The following MPP2 variants were observed in gnomAD, a reference collection of about 807,000 sequenced individuals.
MPP2 encodes the protein MAGUK p55 scaffold protein 2.
Under a neutral mutation model 58.5 loss-of-function variants are expected in MPP2, and 42 were observed. The ratio of observed to expected loss-of-function variants is 0.72; its 90% CI spans 0.56 to 0.93. The LOEUF is 0.93. Among genes scored for constraint, MPP2 ranks in the 40% least tolerant of loss-of-function variants. MPP2 has a pLI of 0.00. For synonymous variants in MPP2, 300 were observed against 307.8 expected, an observed-to-expected ratio of 0.97 and a Z score of 0.26; for missense variants, 632 against 760.4, an observed-to-expected ratio of 0.83 and a Z score of 1.99.
chr17:43,904,493 C>T lies in MPP2; in HGVS notation c.-33G>A. 2 of 1,613,732 alleles carry T rather than the reference C, an allele frequency of 1.2e-6. No individual in the cohort carries two copies. Among genetic ancestry groups the T allele is most frequent in the Non-Finnish European group, 1.7e-6 (2 of 1,179,738 alleles). On this transcript the variant is annotated splice_region_variant and 5_prime_UTR_variant, in exon 2 of 13. Transcript: ENST00000269095. ...GAGGCAAGGGCTCTGAAACGTCTCT[C>T]CTGGAGAGGGGAGAGAGGAGGATGA...
Position 43,880,699 on chromosome 17 carries a change from G to A in MPP2, c.1142C>T (p.Thr381Met), listed in dbSNP as rs2047069055. 15 of 1,609,614 alleles carry A rather than the reference G, an allele frequency of 9.3e-6. No homozygotes were observed. Among genetic ancestry groups the A allele is most frequent in the African/African-American group, 1.3e-5 (1 of 74,880 alleles). Residue 381 changes from threonine to methionine, a missense_variant, in exon 10 of 13, where the codon ACG (threonine) becomes ATG (methionine). Coordinates refer to ENST00000269095, the MANE Select transcript of MPP2 (RefSeq NM_005374.5). This position sits in a 1 kb window ranked among gnomAD's most constrained non-coding sequence, Gnocchi z 5.2. ...GCCCAGCTCCCACTCACAGGGCACC[G>A]TGGTGCCATAGCGATCTGGATCCCA... The part of the protein sequence containing the change: ...IMWDPDRYGT[T>M]VPYTSRRPKD...
chr17:43,901,347 G>A (rs2048090486), intron 2 of MPP2: 1 of 985,392 alleles, frequency 1.0e-6, no homozygotes, highest in Non-Finnish European at 1.2e-6. Context: ...CTTAATGAAG[G>A]GGATGATGCC....
At chr17:43,900,103 G>A (rs1297914760) in intron 2 of MPP2, among the ~76,000 whole-genome samples, 1 of 152,114 alleles carries the variant, frequency 6.6e-6, no homozygotes, top group African/African-American at 2.4e-5. Context: ...AGGGACTCCT[G>A]GACTCCCATC....
intron 3 of MPP2, chr17:43,884,149 T>C: frequency 2.8e-6 from 2 of 702,540 alleles, no homozygotes; most frequent in East Asian, 2.7e-5. Flanking sequence ...CACAATACCA[T>C]TATCACCTGC....
At chr17:43,900,642 C>A (rs2048056588) in intron 2 of MPP2, 1 of 1,439,546 alleles carries the variant, frequency 6.9e-7, no homozygotes, top group Non-Finnish European at 9.1e-7. Context: ...CTGGGGAAGG[C>A]GGGAGTCGAG....
Position 43,904,481 on chromosome 17 carries a change from T to C in MPP2, c.-21A>G, listed in dbSNP as rs1321557235. On this transcript the variant is annotated 5_prime_UTR_variant, in exon 2 of 13. Transcript: ENST00000269095. ...GGCATGGTGAAGGAGGCAAGGGCTC[T>C]GAAACGTCTCTCCTGGAGAGGGGAG... 6.2e-7 allele frequency: 1 copy of C among 1,613,914 alleles called. No individual in the cohort carries two copies.
In MPP2 at chr17:43,883,345, C is replaced by T. The variant is rs758271042; in HGVS notation, c.161G>A (p.Arg54Lys). 3.6e-5 allele frequency: 58 copies of T among 1,611,426 alleles called. No individual in the cohort carries two copies. In the South Asian group the frequency reaches 6.0e-4, roughly 17 times the overall value. ...IVRSLAKAHERLEETKLEAVR... is the reference protein window; with the variant it reads ...IVRSLAKAHEKLEETKLEAVR... ...GGCCTCCAGCTTCGTCTCCTCCAGC[C>T]TCTCATGGGCCTGGGGGTGGAAGCA... The change falls in exon 4 of 13, where the codon AGG (arginine) becomes AAG (lysine). Residue 54 changes from arginine (R) to lysine (K), a missense_variant. Transcript: ENST00000269095.
rs967900395 is a variant in MPP2, at chr17:43,877,351, C to A, written c.*456G>T. The A allele has an allele frequency of 1.0e-4, 16 of 155,880 alleles. No individual in the cohort carries two copies. The highest frequency in any genetic ancestry group is 3.4e-4 in the African/African-American group (14 of 41,580). 9.7% of individuals were successfully genotyped at this position (155,880 alleles called of 1,614,324 possible). A position where few individuals can be genotyped will look rare whatever the true frequency, so the allele number is the denominator to read the frequency against. ...CTGGTCACACGGAAACAGCCCAAGG[C>A]CTGTTCCTCCGACACAGGGGTGAGA... On this transcript the variant is annotated 3_prime_UTR_variant, in exon 13 of 13. Coordinates refer to ENST00000269095, the MANE Select transcript of MPP2 (RefSeq NM_005374.5).
chr17:43,894,460 C>A (rs1242353086), intron 3 of MPP2, among the ~76,000 whole-genome samples: 8 of 66,832 alleles, frequency 1.2e-4, no homozygotes, highest in African/African-American at 4.0e-4. Context: ...CACACACACA[C>A]ACAAAAATTA....
At position 43,880,270 on chromosome 17, in the gene MPP2, CA is replaced by C. The variant is rs1455259393; in HGVS notation, c.1151-287del. Among the ~76,000 whole-genome samples, 1 of 152,146 alleles carries C rather than the reference CA, an allele frequency of 6.6e-6. No individual in the cohort carries two copies. The highest frequency in any genetic ancestry group is 1.5e-5 in the Non-Finnish European group (1 of 68,018). ...CCAAAGCCACACAGCAAGAGCCAAG[CA>C]GACCAGGGCAGTGCTCTTAGTCCTG... On this transcript the variant is annotated intron_variant, in intron 10 of 12. Coordinates refer to ENST00000269095, the MANE Select transcript of MPP2 (RefSeq NM_005374.5). This position sits in a 1 kb window ranked among gnomAD's most constrained non-coding sequence, Gnocchi z 5.2.
At chr17:43,894,710 GA>G (rs2047770197) in intron 3 of MPP2, among the ~76,000 whole-genome samples, 1 of 151,160 alleles carries the variant, frequency 6.6e-6, no homozygotes, top group African/African-American at 2.4e-5. Flanking sequence ...AGGCTGAGAG[GA>G]TTACTTGAGG....
chr17:43,883,186 C>A lies in MPP2; in HGVS notation c.303+17G>T. The A allele has an allele frequency of 6.3e-7, 1 of 1,594,442 alleles. No individual in the cohort carries two copies. On this transcript the variant is annotated intron_variant, in intron 4 of 12. Coordinates refer to ENST00000269095, the MANE Select transcript of MPP2 (RefSeq NM_005374.5). The stretch of plus-strand genomic sequence containing the variant: ...CCCACCTCCTGCTCCCTCACCCCAG[C>A]CCTAGCAGCCAGGAACCTGGAAGTG...
intron 9 of MPP2, 27 bp downstream of exon 9, chr17:43,881,063 T>C (rs1203962891): frequency 6.2e-7 from 1 of 1,607,854 alleles, no homozygotes; most frequent in Non-Finnish European, 8.5e-7. Context: ...TAGAGGAGGG[T>C]AAGGGAGGGG....
chr17:43,901,209 T>A, intron 2 of MPP2: 1 of 969,894 alleles, frequency 1.0e-6, no homozygotes. Flanking sequence ...CCACCCTTGG[T>A]CAGCCACTGG....
chr17:43,906,245 G>T, intron 1 of MPP2: 1 of 654,280 alleles, frequency 1.5e-6, no homozygotes, highest in Non-Finnish European at 1.9e-6. Context: ...TTTCTCCCGG[G>T]GAATCGGTTC....
intron 3 of MPP2, among the ~76,000 whole-genome samples, chr17:43,889,821 T>TTTTTTTG (rs2047528667): frequency 6.8e-6 from 1 of 148,044 alleles, no homozygotes; most frequent in South Asian, 2.1e-4. Context: ...TTTTTTGTTT[T>TTTTTTTG]TTTTTTTTTG....
At chr17:43,896,635 T>C (rs1191062034) in intron 3 of MPP2, among the ~76,000 whole-genome samples, 1 of 152,030 alleles carries the variant, frequency 6.6e-6, no homozygotes, top group Non-Finnish European at 1.5e-5. Context: ...GCACGTGCCC[T>C]GGACCAAAGC....
chr17:43,894,415 C>CAAAA (rs1309079744), intron 3 of MPP2, among the ~76,000 whole-genome samples: 1 of 74,850 alleles, frequency 1.3e-5, no homozygotes, highest in South Asian at 5.2e-4. Context: ...GATTCCATCT[C>CAAAA]AAAATATATA....
intron 3 of MPP2, among the ~76,000 whole-genome samples, chr17:43,898,024 C>T (rs1011062647): frequency 6.6e-6 from 1 of 152,256 alleles, no homozygotes; most frequent in African/African-American, 2.4e-5. Flanking sequence ...ACACACTCCA[C>T]AAGCTGGCAG....
Sources: gnomAD v4.1 joint callset for allele counts (sites outside exome capture counted in the v4.1 genomes callset) on GRCh38, gnomAD v4.1.1 for gene constraint, Gnocchi (gnomAD v3.1) non-coding constraint, MANE v1.5 for transcripts, NCBI Gene and HGNC (gene_info 2026-07-23, HGNC 2026-07-21) for gene names.